The following SEZ6L variants were observed in gnomAD, a reference collection of about 807,000 sequenced individuals.
The protein encoded by SEZ6L is seizure related 6 homolog like.
In SEZ6L, 37 loss-of-function variants were observed where a neutral mutation model predicts 106.2. The ratio of observed to expected loss-of-function variants is 0.35; its 90% CI spans 0.27 to 0.46. The LOEUF (loss-of-function observed/expected upper bound fraction) is 0.46, where lower values mean the gene tolerates loss of function less well. SEZ6L is among the 20% of genes least tolerant of loss of function. SEZ6L has a pLI of 1.00. For synonymous variants in SEZ6L, 541 were observed against 570.4 expected (o/e 0.95, Z 0.73); for missense variants, 1,172 against 1,332.8 (o/e 0.88, Z 1.88).
At chr22:26,182,561 T>C (rs1487539189) in intron 1 of SEZ6L, among the ~76,000 whole-genome samples, 1 of 152,038 alleles carries the variant, frequency 6.6e-6, no homozygotes, top group East Asian at 1.9e-4. Flanking sequence ...ATATAGATAC[T>C]ACTGTGAATA....
rs118104045 is a variant in SEZ6L, at chr22:26,272,471, C to T, written c.95-19935C>T. On this transcript the variant is annotated intron_variant, in intron 1 of 16. Coordinates refer to ENST00000248933, the MANE Select transcript of SEZ6L (RefSeq NM_021115.5). ...TTTACCCACGGTTATCACCACTGGG[C>T]CAGGCTGCAGCTGGTCATCTTATGC... Among the ~76,000 whole-genome samples the T allele has an allele frequency of 8.5e-5, 13 of 152,278 alleles. No homozygotes were observed. In the East Asian group the frequency reaches 2.3e-3, roughly 27 times the overall value.
chr22:26,313,634 G>A, intron 8 of SEZ6L, 130 bp from the exon 9 acceptor site: 2 of 1,017,724 alleles, frequency 2.0e-6, no homozygotes, highest in Admixed American at 2.1e-5. Context: ...GCTGCCCGAG[G>A]TGAAGACACC....
intron 11 of SEZ6L, among the ~76,000 whole-genome samples, chr22:26,350,699 C>T (rs2083246306): frequency 6.7e-6 from 1 of 150,290 alleles, no homozygotes; most frequent in African/African-American, 2.5e-5. Context: ...CTCTGTCGCC[C>T]AGGCTGGAGT....
At chr22:26,230,119 A>T (rs2078753200) in intron 1 of SEZ6L, among the ~76,000 whole-genome samples, 1 of 152,158 alleles carries the variant, frequency 6.6e-6, no homozygotes, top group Admixed American at 6.5e-5. Context: ...CATCCACAGG[A>T]ACAGGCATCC....
intron 13 of SEZ6L, among the ~76,000 whole-genome samples, chr22:26,366,391 G>A (rs1315427428): frequency 2.0e-5 from 3 of 151,792 alleles, no homozygotes; most frequent in Admixed American, 6.6e-5. Flanking sequence ...TTATGAAAAT[G>A]TTCAAATGAA....
In SEZ6L at chr22:26,305,957, C is replaced by T. The variant is rs1188729494; in HGVS notation, c.1349-22C>T. The T allele has an allele frequency of 3.1e-6, 5 of 1,596,944 alleles. No individual in the cohort carries two copies. In the African/African-American group the frequency reaches 5.4e-5, roughly 17 times the overall value. Reference sequence around the variant, plus strand: ...TCCCTCTCTGCTCTCTCCCATTGCCCACCCACCCCTTTCTGGATCAGCTCC... The same window carrying T: ...TCCCTCTCTGCTCTCTCCCATTGCCTACCCACCCCTTTCTGGATCAGCTCC... On this transcript the variant is annotated intron_variant, in intron 5 of 16. Transcript: ENST00000248933.
intron 1 of SEZ6L, among the ~76,000 whole-genome samples, chr22:26,179,906 T>C (rs1939275845): frequency 6.6e-6 from 1 of 152,156 alleles, no homozygotes; most frequent in South Asian, 2.1e-4. Flanking sequence ...GAACCACATG[T>C]AGATATTTAA....
intron 10 of SEZ6L, 49 bp from the exon 11 acceptor site, chr22:26,347,670 G>T (rs115577947): frequency 2.7e-6 from 4 of 1,508,840 alleles, no homozygotes; most frequent in Non-Finnish European, 3.6e-6. Context: ...AGGAGGCCCC[G>T]ACAACAAGAC....
At chr22:26,337,243 C>T (rs905721604) in intron 9 of SEZ6L, among the ~76,000 whole-genome samples, 2 of 152,236 alleles carry the variant, frequency 1.3e-5, no homozygotes, top group African/African-American at 4.8e-5. Context: ...CTTCCCTGCA[C>T]ATTGCTCCAT....
intron 1 of SEZ6L, among the ~76,000 whole-genome samples, chr22:26,239,833 G>A (rs747494461): frequency 5.3e-5 from 8 of 151,992 alleles, no homozygotes; most frequent in Non-Finnish European, 8.8e-5. Context: ...GTTGCTGCAT[G>A]CAGGCCCAAG....
At chr22:26,326,167 C>A (rs2082300263) in intron 9 of SEZ6L, among the ~76,000 whole-genome samples, 1 of 152,224 alleles carries the variant, frequency 6.6e-6, no homozygotes, top group Non-Finnish European at 1.5e-5. Flanking sequence ...CCACGCTCTT[C>A]TCGCCTTGGT....
Position 26,299,226 on chromosome 22 carries a change from C to T in SEZ6L, c.1348+57C>T. 3 of 1,291,292 alleles carry T rather than the reference C, an allele frequency of 2.3e-6. No homozygotes were observed. The South Asian group carries it at 7.3e-5, about 31-fold the overall frequency. 80.0% of individuals were successfully genotyped at this position (1,291,292 alleles called of 1,614,324 possible). On this transcript the variant is annotated intron_variant, in intron 5 of 16. Transcript: ENST00000248933. ...ATGGTCCAACTAAGAGGGGAAAGAC[C>T]AACCTGTAGGACACCGAGAGTGACC...
chr22:26,325,927 C>CCACACACA (rs59284489), intron 9 of SEZ6L, among the ~76,000 whole-genome samples: 9 of 149,400 alleles, frequency 6.0e-5, no homozygotes, highest in African/African-American at 2.2e-4. Flanking sequence ...ATCACACACA[C>CCACACACA]CACACACACA....
intron 5 of SEZ6L, 129 bp from the exon 6 acceptor site, chr22:26,305,849 CA>C: frequency 5.1e-6 from 5 of 975,342 alleles, no homozygotes; most frequent in Non-Finnish European, 7.4e-6. Flanking sequence ...GGGCAAGGGG[CA>C]GGGGTGGGGA....
chr22:26,356,997 G>T (rs1432096356), intron 12 of SEZ6L, among the ~76,000 whole-genome samples: 1 of 151,492 alleles, frequency 6.6e-6, no homozygotes, highest in Non-Finnish European at 1.5e-5. Context: ...TGTTGCCCAG[G>T]CCGATGTGCA....
intron 12 of SEZ6L, among the ~76,000 whole-genome samples, chr22:26,361,773 T>C (rs2083644333): frequency 6.6e-6 from 1 of 152,096 alleles, no homozygotes; most frequent in Admixed American, 6.5e-5. Context: ...TCCTGAGCCC[T>C]TGGACACTTG....
At chr22:26,244,036 A>G (rs1205659444) in intron 1 of SEZ6L, among the ~76,000 whole-genome samples, 1 of 152,008 alleles carries the variant, frequency 6.6e-6, no homozygotes, top group Non-Finnish European at 1.5e-5. Context: ...GGTGGCACAA[A>G]CCTATAGTCC....
rs538963559 is a variant in SEZ6L, at chr22:26,215,471, G to A, written c.94+45708G>A. 3.8e-4 allele frequency among the ~76,000 whole-genome samples: 58 copies of A among 152,200 alleles called. No individual in the cohort carries two copies. In the South Asian group the frequency reaches 0.011, roughly 28 times the overall value. Reference sequence around the variant, plus strand: ...CTGGATAGATGACTCCCACCATCTTGAAATGGCAAACCAAAATGGGAGAGG... The same window carrying A: ...CTGGATAGATGACTCCCACCATCTTAAAATGGCAAACCAAAATGGGAGAGG... On this transcript the variant is annotated intron_variant, in intron 1 of 16. Coordinates refer to ENST00000248933, the MANE Select transcript of SEZ6L (RefSeq NM_021115.5).
intron 1 of SEZ6L, among the ~76,000 whole-genome samples, chr22:26,212,634 G>C (rs190268594): frequency 1.7e-4 from 26 of 152,182 alleles, no homozygotes; most frequent in Non-Finnish European, 3.1e-4. Context: ...TGCTGCCCAG[G>C]CTGGTCTCAA....
Sources: gnomAD v4.1 joint callset for allele counts (sites outside exome capture counted in the v4.1 genomes callset) on GRCh38, gnomAD v4.1.1 for gene constraint, MANE v1.5 for transcripts, NCBI Gene and HGNC (gene_info 2026-07-23, HGNC 2026-07-21) for gene names.